Variants in PRR13 observed in about 807,000 individuals in gnomAD.
PRR13 encodes proline rich 13.
PRR13 carries 7 observed loss-of-function variants against 11.5 expected under a neutral mutation model. That is an observed-to-expected ratio of 0.61 (90% CI 0.34 to 1.14). The LOEUF is 1.14. Among genes scored for constraint, PRR13 ranks in the 50% most tolerant of loss-of-function variants. The pLI, the probability that PRR13 is intolerant of heterozygous loss-of-function variation, is 0.03. For missense variants in PRR13, 155 were observed against 194.4 expected (o/e 0.80, Z 1.21); for synonymous variants, 53 against 67.8 (o/e 0.78, Z 1.07).
At chr12:53,442,827 G>A (rs1431622250) in intron 2 of PRR13, 94 bp downstream of exon 2, 15 of 1,351,172 alleles carry the variant, frequency 1.1e-5, no homozygotes, top group Non-Finnish European at 1.5e-5. Context: ...CCCCCGACCT[G>A]CTGTACCCGC....
chr12:53,442,553 C>T (rs897518994), intron 1 of PRR13, 142 bp from the exon 2 acceptor site: 5 of 704,678 alleles, frequency 7.1e-6, no homozygotes, highest in African/African-American at 5.4e-5. Context: ...AGAAAAGAGA[C>T]ATTTCTTATG....
intron 3 of PRR13, among the ~76,000 whole-genome samples, chr12:53,445,366 G>A (rs570003648): frequency 6.7e-6 from 1 of 149,974 alleles, no homozygotes; most frequent in Admixed American, 6.6e-5. Flanking sequence ...AAAAAAAAAG[G>A]TCTGAAGAGA....
chr12:53,443,598 C>T lies in PRR13; in HGVS notation c.227C>T (p.Pro76Leu). The change falls in exon 3 of 4, where the codon CCC becomes CTC. Residue 76 changes from proline to leucine, a missense_variant. Physicochemically the swap from Pro to Leu is moderately conservative, Grantham distance 98 (BLOSUM62 -3). Transcript: ENST00000429243. ...PGYPGCQPLG[P>L]YPPPYPPPAP... ...TATCCAGGATGCCAACCGTTGGGTC[C>T]CTACCCTCCTCCATACCCACCGCCT... The T allele has an allele frequency of 6.2e-7, 1 of 1,613,056 alleles. No individual in the cohort carries two copies. The highest frequency in any genetic ancestry group is 2.2e-5 in the East Asian group (1 of 44,858).
In PRR13 at chr12:53,443,600, T is replaced by A. The variant is rs1190211504; in HGVS notation, c.229T>A (p.Tyr77Asn). 2 of 1,613,188 alleles carry A rather than the reference T, an allele frequency of 1.2e-6. No individual in the cohort carries two copies. Among genetic ancestry groups the A allele is most frequent in the Non-Finnish European group, 1.7e-6 (2 of 1,179,682 alleles). ...TCCAGGATGCCAACCGTTGGGTCCCTACCCTCCTCCATACCCACCGCCTGC... is the reference window on the plus strand; with the variant it reads ...TCCAGGATGCCAACCGTTGGGTCCCAACCCTCCTCCATACCCACCGCCTGC... ...GYPGCQPLGPYPPPYPPPAPG... is the reference protein window; with the variant it reads ...GYPGCQPLGPNPPPYPPPAPG... Residue 77 changes from tyrosine (Y) to asparagine (N), a missense_variant, in exon 3 of 4, where the codon TAC becomes AAC. Tyr to Asn is a moderately radical substitution (Grantham distance 143). Transcript: ENST00000429243.
chr12:53,443,506 A>G lies in PRR13; in HGVS notation c.135A>G (p.Pro45=). Residue 45 remains proline (P), a synonymous_variant, in exon 3 of 4, where the codon CCA becomes CCG. Transcript: ENST00000429243. The part of the protein sequence containing the change: ...PFPPGPCPPP[P]GAPHGNPAFP... ...CCCCAGGCCCCTGTCCTCCTCCCCCAGGAGCTCCCCATGGCAATCCAGCTT... is the reference window on the plus strand; with the variant it reads ...CCCCAGGCCCCTGTCCTCCTCCCCCGGGAGCTCCCCATGGCAATCCAGCTT... The G allele has an allele frequency of 7.2e-7, 1 of 1,387,362 alleles. No individual in the cohort carries two copies. The highest frequency in any genetic ancestry group is 9.4e-7 in the Non-Finnish European group (1 of 1,059,770). The allele number at this position is 1,387,362 out of a possible 1,614,324, so 85.9% of individuals were successfully genotyped here. A position where few individuals can be genotyped will look rare whatever the true frequency, so the allele number is the denominator to read the frequency against.
intron 3 of PRR13, among the ~76,000 whole-genome samples, chr12:53,444,823 G>A (rs1354093565): frequency 9.2e-5 from 14 of 151,364 alleles, no homozygotes; most frequent in Non-Finnish European, 4.4e-5. Flanking sequence ...GCTTGAACCC[G>A]GGAGGCAGAG....
chr12:53,445,949 C>T (rs908230653), intron 3 of PRR13, 66 bp from the exon 4 acceptor site: 9 of 1,612,462 alleles, frequency 5.6e-6, no homozygotes, highest in African/African-American at 4.0e-5. Flanking sequence ...GAATGGCCCA[C>T]GGAGTGATGA....
intron 1 of PRR13, chr12:53,442,242 C>T (rs1940305188): frequency 4.8e-6 from 1 of 206,964 alleles, no homozygotes; most frequent in African/African-American, 2.3e-5. Context: ...AGAGACATTT[C>T]TTTTCTTTTC....
chr12:53,444,447 A>G (rs1379329874), intron 3 of PRR13, among the ~76,000 whole-genome samples: 2 of 150,568 alleles, frequency 1.3e-5, no homozygotes, highest in African/African-American at 4.9e-5. Flanking sequence ...CTCCTGCCTC[A>G]GCCTCCCGAG....
In PRR13 at chr12:53,444,971, T is replaced by A. The variant is rs1002223040; in HGVS notation, c.403-1044T>A. 6.6e-5 allele frequency among the ~76,000 whole-genome samples: 10 copies of A among 152,272 alleles called. 1 individual carries two copies. The highest frequency in any genetic ancestry group is 2.4e-4 in the African/African-American group (10 of 41,560). Reference sequence around the variant, plus strand: ...TCTGGAAGGATTAAACCAATCTGCATCTTGATGAGGCCTCCATTTACATTT... The same window carrying A: ...TCTGGAAGGATTAAACCAATCTGCAACTTGATGAGGCCTCCATTTACATTT... On this transcript the variant is annotated intron_variant, in intron 3 of 3. Coordinates refer to ENST00000429243, the MANE Select transcript of PRR13 (RefSeq NM_018457.4).
chr12:53,443,026 T>G, intron 2 of PRR13: 1 of 378,128 alleles, frequency 2.6e-6, no homozygotes, highest in Non-Finnish European at 4.7e-6. Flanking sequence ...CCGGCTACTT[T>G]TTGTATTTTT....
intron 3 of PRR13, among the ~76,000 whole-genome samples, chr12:53,445,123 G>A (rs949342794): frequency 2.0e-5 from 3 of 152,074 alleles, no homozygotes; most frequent in South Asian, 2.1e-4. Flanking sequence ...ATTCCGGGGC[G>A]GGCGGATCAC....
intron 2 of PRR13, 157 bp downstream of exon 2, chr12:53,442,890 T>C (rs1190649206): frequency 1.7e-6 from 1 of 588,252 alleles, no homozygotes; most frequent in Middle Eastern, 4.5e-4. Flanking sequence ...TTTAATTTAA[T>C]TTATTTATTT....
intron 1 of PRR13, 170 bp from the exon 2 acceptor site, chr12:53,442,525 G>A (rs1442751738): frequency 2.2e-5 from 13 of 589,796 alleles, no homozygotes; most frequent in East Asian, 3.2e-5. Context: ...TTACAGGCGT[G>A]AGCCACCGCG....
At chr12:53,443,144 A>G (rs1592617130) in intron 2 of PRR13, 1 of 435,844 alleles carries the variant, frequency 2.3e-6, no homozygotes, top group Admixed American at 4.0e-5. Flanking sequence ...GGCGTGAGCC[A>G]CCGCGCCTGG....
intron 1 of PRR13, chr12:53,442,130 C>T (rs932795393): frequency 1.2e-5 from 5 of 403,500 alleles, no homozygotes; most frequent in African/African-American, 4.1e-5. Flanking sequence ...GTACTGCCTA[C>T]TTCCGAAGAG....
At chr12:53,445,926 G>GTGGGGCACCAAAGAA in intron 3 of PRR13, 89 bp from the exon 4 acceptor site, 2 of 1,596,106 alleles carry the variant, frequency 1.3e-6, no homozygotes, top group South Asian at 2.2e-5. Flanking sequence ...GGGTGGAGGG[G>GTGGGGCACCAAAGAA]TGGGGCACCA....
chr12:53,442,912 G>T, intron 2 of PRR13, 179 bp downstream of exon 2: 1 of 513,358 alleles, frequency 1.9e-6, no homozygotes, highest in South Asian at 4.0e-5. Context: ...TTGAGATGGA[G>T]TCTCTGTTGC....
At chr12:53,444,659 T>TATAAAACA (rs1940367133) in intron 3 of PRR13, among the ~76,000 whole-genome samples, 1 of 152,248 alleles carries the variant, frequency 6.6e-6, no homozygotes, top group South Asian at 2.1e-4. Context: ...GCTCCAAGGC[T>TATAAAACA]AAGTATCTTT....
Sources: gnomAD v4.1 joint callset for allele counts (sites outside exome capture counted in the v4.1 genomes callset) on GRCh38, gnomAD v4.1.1 for gene constraint, MANE v1.5 for transcripts, NCBI Gene and HGNC (gene_info 2026-07-23, HGNC 2026-07-21) for gene names.